NRK: variants seen among roughly 807,000 people sequenced by gnomAD.
The protein encoded by NRK is Nik related kinase.
Under a neutral mutation model 125.2 loss-of-function variants are expected in NRK, and 67 were observed. The observed-to-expected ratio is 0.54, with a 90% CI of 0.44 to 0.66. The LOEUF is 0.66. Among genes scored for constraint, NRK ranks in the 30% least tolerant of loss-of-function variants. The pLI is 0.00. For synonymous variants in NRK, 458 were observed against 429.0 expected (o/e 1.07, Z -0.84); for missense variants, 1,224 against 1,192.9 (o/e 1.03, Z -0.38).
chrX:105,925,088 A>C, intron 19 of NRK, 57 bp downstream of exon 19: 2 of 885,650 alleles, frequency 2.3e-6, no homozygotes, highest in Non-Finnish European at 3.2e-6. Flanking sequence ...GTGTTTCTTC[A>C]TGGGACATGT....
At chrX:105,869,695 T>C (rs2039717877) in intron 2 of NRK, among the ~76,000 whole-genome samples, 1 of 111,604 alleles carries the variant, frequency 9.0e-6, no homozygotes, top group Admixed American at 9.5e-5. Flanking sequence ...CTGGAAAAGT[T>C]GAGAATTCCA....
chrX:105,841,863 A>C (rs1224699258), intron 2 of NRK, among the ~76,000 whole-genome samples: 1 of 111,465 alleles, frequency 9.0e-6, no homozygotes, highest in Non-Finnish European at 1.9e-5. Context: ...GAGTGCTTAC[A>C]GCTCATAAGA....
At chrX:105,894,000 A>G in intron 6 of NRK, 58 bp downstream of exon 6, 1 of 614,947 alleles carries the variant, frequency 1.6e-6, no homozygotes, top group South Asian at 2.7e-5. Context: ...AGTAATATAT[A>G]CAATGCACCT....
intron 27 of NRK, among the ~76,000 whole-genome samples, chrX:105,952,180 A>G (rs1408566061): frequency 8.9e-6 from 1 of 112,314 alleles, no homozygotes; most frequent in African/African-American, 3.2e-5. Context: ...AAGATGCCTT[A>G]TTTTGTTGTT....
At chrX:105,867,975 T>TA (rs2039693793) in intron 2 of NRK, among the ~76,000 whole-genome samples, 1 of 111,810 alleles carries the variant, frequency 8.9e-6, no homozygotes, top group Non-Finnish European at 1.9e-5. Flanking sequence ...CTTGTACTCT[T>TA]ACTGTGAAAA....
At chrX:105,863,158 C>A (rs771242766) in intron 2 of NRK, among the ~76,000 whole-genome samples, 1 of 111,791 alleles carries the variant, frequency 8.9e-6, no homozygotes, top group Non-Finnish European at 1.9e-5. Flanking sequence ...GAAGTAAAGC[C>A]ACTGTGAAGA....
At chrX:105,827,137 C>T (rs2039125979) in intron 1 of NRK, among the ~76,000 whole-genome samples, 1 of 111,770 alleles carries the variant, frequency 8.9e-6, no homozygotes, top group Non-Finnish European at 1.9e-5. Context: ...TTAATGCCAC[C>T]ATGTAAATTG....
chrX:105,877,414 G>C (rs1242477443), intron 2 of NRK, among the ~76,000 whole-genome samples: 1 of 111,375 alleles, frequency 9.0e-6, no homozygotes, highest in Non-Finnish European at 1.9e-5. Flanking sequence ...TTAGTTAAGA[G>C]TATTATACCA....
intron 2 of NRK, among the ~76,000 whole-genome samples, chrX:105,852,677 C>G (rs957133122): frequency 3.6e-5 from 4 of 111,694 alleles, no homozygotes; most frequent in East Asian, 5.7e-4. Context: ...TAGTCCTCCC[C>G]CTTTAAAGTT....
At chrX:105,900,755 A>G in intron 9 of NRK, 83 bp downstream of exon 9, 1 of 609,421 alleles carries the variant, frequency 1.6e-6, no homozygotes, top group Admixed American at 2.8e-5. Context: ...GTCGAAGAAG[A>G]TGAGATTGCC....
intron 26 of NRK, among the ~76,000 whole-genome samples, chrX:105,949,238 C>A (rs890571424): frequency 9.0e-6 from 1 of 110,912 alleles, no homozygotes; most frequent in Non-Finnish European, 1.9e-5. Context: ...TATCTTAAAC[C>A]CAAGTCTATA....
At chrX:105,880,310 T>A in intron 3 of NRK, 55 bp downstream of exon 3, 1 of 465,259 alleles carries the variant, frequency 2.1e-6, no homozygotes, top group East Asian at 4.5e-5. Context: ...GTTCCTGGGA[T>A]ACACAACTCA....
At chrX:105,848,170 A>T (rs2039425500) in intron 2 of NRK, among the ~76,000 whole-genome samples, 1 of 111,837 alleles carries the variant, frequency 8.9e-6, no homozygotes. Context: ...TCGTAGGTCA[A>T]TCCGTTATTT....
intron 2 of NRK, among the ~76,000 whole-genome samples, chrX:105,835,135 T>A (rs1442226710): frequency 9.0e-6 from 1 of 111,592 alleles, no homozygotes; most frequent in African/African-American, 3.2e-5. Context: ...TAGTATTTAT[T>A]TCTTGAAATG....
intron 23 of NRK, among the ~76,000 whole-genome samples, chrX:105,943,253 G>T (rs1188609197): frequency 9.0e-6 from 1 of 111,491 alleles, no homozygotes; most frequent in African/African-American, 3.3e-5. Context: ...TTTTGCATAG[G>T]TATATCCGCT....
At chrX:105,822,478 G>A (rs1212473823), upstream of NRK, 8 of 253,789 alleles carry the variant, frequency 3.2e-5, no homozygotes, top group South Asian at 2.5e-4. Flanking sequence ...AGCTGCTCCC[G>A]GGTCCCCTCT....
chrX:105,880,382 TTTA>T, intron 3 of NRK, 127 bp downstream of exon 3: 1 of 275,139 alleles, frequency 3.6e-6, no homozygotes, highest in Non-Finnish European at 6.5e-6. Flanking sequence ...TCAATCTGGA[TTTA>T]TTATAGTTAT....
chrX:105,915,652 G>A (rs2040355493), intron 14 of NRK, 78 bp from the exon 15 acceptor site: 6 of 481,238 alleles, frequency 1.2e-5, no homozygotes, highest in Non-Finnish European at 1.8e-5. Context: ...TATGAAGACA[G>A]GCATTTTCCC....
rs1471724614 is a variant in NRK, at chrX:105,908,912, G to A, written c.1271G>A (p.Ser424Asn). 1.3e-5 allele frequency: 16 copies of A among 1,209,040 alleles called. No individual in the cohort carries two copies. Among genetic ancestry groups the A allele is most frequent in the Non-Finnish European group, 1.7e-5 (15 of 894,621 alleles). Reference protein sequence around the residue: ...RVFMPLQALDSAPKPLKGQAQ... With the variant: ...RVFMPLQALDNAPKPLKGQAQ... ...TTCATGCCACTGCAGGCTCTGGACA[G>A]TGCACCTAAGCCTCTAAAGGGGCAG... Residue 424 changes from serine to asparagine, a missense_variant, in exon 13 of 29, where the codon AGT becomes AAT. By Grantham distance (46) the Ser-to-Asn change is conservative (BLOSUM62 1). Transcript: ENST00000243300.
Sources: allele counts gnomAD v4.1 joint callset (sites outside exome capture counted in the v4.1 genomes callset), GRCh38; gene constraint gnomAD v4.1.1; transcripts MANE v1.5; gene names NCBI Gene and HGNC (gene_info 2026-07-23, HGNC 2026-07-21).